Variants in CYP2C19 observed in about 807,000 individuals in gnomAD.
CYP2C19 encodes cytochrome P450 2C19.
CYP2C19 carries 59 observed loss-of-function variants against 40.9 expected under a neutral mutation model. The ratio of observed to expected loss-of-function variants is 1.44; its 90% CI spans 1.17 to 1.79. The LOEUF is 1.79. Ranked by LOEUF, CYP2C19 falls within the 40% of genes most tolerant of loss-of-function variation. The pLI is 0.00. For missense variants in CYP2C19, 754 were observed against 596.9 expected (o/e 1.26, Z -2.74); for synonymous variants, 253 against 208.7 (o/e 1.21, Z -1.83).
intron 5 of CYP2C19, among the ~76,000 whole-genome samples, chr10:94,785,600 C>A (rs1848530437): frequency 1.3e-5 from 2 of 152,110 alleles, no homozygotes; most frequent in African/African-American, 4.8e-5. Flanking sequence ...TGAGAACTCA[C>A]TGATACAGAA....
chr10:94,804,245 A>G (rs1169883410), intron 5 of CYP2C19, among the ~76,000 whole-genome samples: 1 of 152,124 alleles, frequency 6.6e-6, no homozygotes, highest in East Asian at 1.9e-4. Flanking sequence ...TGTAAATGTC[A>G]TCACCCAGGA....
intron 7 of CYP2C19, among the ~76,000 whole-genome samples, chr10:94,844,343 T>A (rs1849541456): frequency 1.3e-5 from 2 of 152,344 alleles, no homozygotes; most frequent in South Asian, 4.1e-4. Context: ...CATGTTGTCA[T>A]GATTCAGAAT....
At chr10:94,791,153 G>A (rs914239899) in intron 5 of CYP2C19, among the ~76,000 whole-genome samples, 29 of 152,040 alleles carry the variant, frequency 1.9e-4, no homozygotes, top group Non-Finnish European at 2.9e-4. Context: ...GTTTATTTGC[G>A]TAGAGGTGTT....
chr10:94,771,897 G>T (rs972253617), intron 1 of CYP2C19, among the ~76,000 whole-genome samples: 1 of 152,134 alleles, frequency 6.6e-6, no homozygotes, highest in Non-Finnish European at 1.5e-5. Flanking sequence ...GACTGAGGAA[G>T]GTCGGATTTA....
intron 6 of CYP2C19, among the ~76,000 whole-genome samples, chr10:94,838,221 C>T (rs916516101): frequency 7.9e-5 from 12 of 152,260 alleles, no homozygotes; most frequent in African/African-American, 2.6e-4. Flanking sequence ...GATTCTGTGT[C>T]CCAGTGAGGG....
At chr10:94,843,124 T>A (rs1361064516) in intron 7 of CYP2C19, 100 bp downstream of exon 7, 2 of 1,430,450 alleles carry the variant, frequency 1.4e-6, no homozygotes, top group East Asian at 4.5e-5. Flanking sequence ...GAGAAGTGCA[T>A]TACTCCTATG....
chr10:94,764,658 C>T (rs1848216813), intron 1 of CYP2C19, among the ~76,000 whole-genome samples: 1 of 152,034 alleles, frequency 6.6e-6, no homozygotes, highest in Non-Finnish European at 1.5e-5. Flanking sequence ...CTCTTTAGGC[C>T]AGTGAAAGGG....
chr10:94,845,482 C>A lies in CYP2C19; in HGVS notation c.1149+2458C>A, dbSNP rs1255822243. ...TTATTGATGCCCAATATAAGACTTTCCTGTCCAGTAGAATTTTCTGCAAAG... is the reference window on the plus strand; with the variant it reads ...TTATTGATGCCCAATATAAGACTTTACTGTCCAGTAGAATTTTCTGCAAAG... On this transcript the variant is annotated intron_variant, in intron 7 of 8. Transcript: ENST00000371321. 3.3e-5 allele frequency among the ~76,000 whole-genome samples: 5 copies of A among 152,200 alleles called. No individual in the cohort carries two copies. The East Asian group carries it at 9.6e-4, about 29-fold the overall frequency.
At chr10:94,847,626 A>C (rs1027875404) in intron 7 of CYP2C19, among the ~76,000 whole-genome samples, 2 of 152,152 alleles carry the variant, frequency 1.3e-5, no homozygotes, top group African/African-American at 4.8e-5. Flanking sequence ...CGGTATTTCT[A>C]GTTCTAGACC....
rs566790026 is a variant in CYP2C19, at chr10:94,763,647, C to T, written c.168+774C>T. On this transcript the variant is annotated intron_variant, in intron 1 of 8. Transcript: ENST00000371321. ...GTATGATCAGATCAAGAGAATGAGG[C>T]TGTAGTTATGAAGACTACTCCTACT... Among the ~76,000 whole-genome samples, 9 of 152,008 alleles carry T rather than the reference C, an allele frequency of 5.9e-5. No homozygotes were observed. In the South Asian group the frequency reaches 1.7e-3, roughly 28 times the overall value.
intron 5 of CYP2C19, among the ~76,000 whole-genome samples, chr10:94,786,667 T>G (rs1010024675): frequency 6.6e-6 from 1 of 152,072 alleles, no homozygotes. Flanking sequence ...CAATAGGTAG[T>G]TTTTCAGCTC....
chr10:94,805,337 T>C (rs1037282380), intron 5 of CYP2C19, among the ~76,000 whole-genome samples: 1 of 152,196 alleles, frequency 6.6e-6, no homozygotes, highest in African/African-American at 2.4e-5. Context: ...TCTAATATGG[T>C]GTAGTGCACT....
chr10:94,830,987 ATAG>A (rs1181366664), intron 6 of CYP2C19, among the ~76,000 whole-genome samples: 1 of 152,212 alleles, frequency 6.6e-6, no homozygotes, highest in East Asian at 1.9e-4. Context: ...GTGCTATCAA[ATAG>A]TAGGTCTTAT....
At chr10:94,820,355 G>A (rs374303428) in intron 5 of CYP2C19, 141 bp from the exon 6 acceptor site, 25 of 929,338 alleles carry the variant, frequency 2.7e-5, no homozygotes, top group Middle Eastern at 4.4e-4. Flanking sequence ...CTCTCTCACC[G>A]CTCCTATTCA....
intron 5 of CYP2C19, among the ~76,000 whole-genome samples, chr10:94,802,853 G>A (rs567964871): frequency 6.6e-6 from 1 of 152,214 alleles, no homozygotes; most frequent in East Asian, 1.9e-4. Context: ...AACTTAGTTT[G>A]TCTGGGTATG....
chr10:94,842,826 T>C lies in CYP2C19; in HGVS notation c.962-11T>C, dbSNP rs772643519. The stretch of plus-strand genomic sequence containing the variant: ...CTCCTTTTCCATCAGTTCTTACTTG[T>C]GTCTTGTCAGCTAAAGTCCAGGAAG... On this transcript the variant is annotated splice_polypyrimidine_tract_variant and intron_variant, in intron 6 of 8. Coordinates refer to ENST00000371321, the MANE Select transcript of CYP2C19 (RefSeq NM_000769.4). 3.1e-6 allele frequency: 5 copies of C among 1,614,052 alleles called. No homozygotes were observed. The South Asian group carries it at 5.5e-5, about 18-fold the overall frequency.
At position 94,775,424 on chromosome 10, in the gene CYP2C19, G is replaced by C. The variant is rs1292429911; in HGVS notation, c.366G>C (p.Glu122Asp). The C allele has an allele frequency of 6.2e-7, 1 of 1,614,008 alleles. No individual in the cohort carries two copies. The highest frequency in any genetic ancestry group is 1.7e-5 in the Admixed American group (1 of 60,004). ...TCAGCAATGGAAAGAGATGGAAGGA[G>C]ATCCGGCGTTTCTCCCTCATGACGC... ...IVFSNGKRWK[E>D]IRRFSLMTLR... Residue 122 changes from glutamate (E) to aspartate (D), a missense_variant, in exon 3 of 9, where the codon GAG becomes GAC. Physicochemically the swap from Glu to Asp is conservative, Grantham distance 45. Coordinates refer to ENST00000371321, the MANE Select transcript of CYP2C19 (RefSeq NM_000769.4).
At chr10:94,829,973 C>G (rs1170024957) in intron 6 of CYP2C19, among the ~76,000 whole-genome samples, 1 of 152,232 alleles carries the variant, frequency 6.6e-6, no homozygotes, top group Non-Finnish European at 1.5e-5. Context: ...GCTCAGGGGT[C>G]AGGGGTCAGG....
At chr10:94,834,758 A>G (rs1170167690) in intron 6 of CYP2C19, among the ~76,000 whole-genome samples, 1 of 151,944 alleles carries the variant, frequency 6.6e-6, no homozygotes, top group Non-Finnish European at 1.5e-5. Flanking sequence ...CATTTTAGTG[A>G]GCTCTCCTTA....
Sources: allele counts gnomAD v4.1 joint callset (sites outside exome capture counted in the v4.1 genomes callset), GRCh38; gene constraint gnomAD v4.1.1; transcripts MANE v1.5; gene names NCBI Gene and HGNC (gene_info 2026-07-23, HGNC 2026-07-21).